CNTN5: variants seen among roughly 807,000 people sequenced by gnomAD.
CNTN5 encodes contactin 5.
Under a neutral mutation model 129.1 loss-of-function variants are expected in CNTN5, and 77 were observed. That is an observed-to-expected ratio of 0.60 (90% CI 0.50 to 0.72). The LOEUF (loss-of-function observed/expected upper bound fraction) is 0.72. Among genes scored for constraint, CNTN5 ranks in the 30% least tolerant of loss-of-function variants. The probability of loss-of-function intolerance (pLI) is 0.00; values close to 1 mark genes in which losing one functional copy is unlikely to be tolerated. For missense variants in CNTN5, 1,478 were observed against 1,328.8 expected (o/e 1.11, Z -1.75); for synonymous variants, 509 against 465.6 (o/e 1.09, Z -1.20).
chr11:100,139,735 A>G (rs1946634070), intron 13 of CNTN5, among the ~76,000 whole-genome samples: 2 of 152,078 alleles, frequency 1.3e-5, no homozygotes, highest in Non-Finnish European at 1.5e-5. Context: ...GTGATGGCAC[A>G]TACCTGTAAC....
At chr11:99,182,897 G>A (rs976335275) in intron 1 of CNTN5, among the ~76,000 whole-genome samples, 2 of 152,004 alleles carry the variant, frequency 1.3e-5, no homozygotes, top group African/African-American at 4.8e-5. Flanking sequence ...CAATCAAGAA[G>A]ATGCTAAAAG....
chr11:99,190,312 T>G (rs1565389950), intron 1 of CNTN5, among the ~76,000 whole-genome samples: 2 of 151,784 alleles, frequency 1.3e-5, no homozygotes, highest in Admixed American at 6.6e-5. Flanking sequence ...TAGTATATTT[T>G]GACATCAGGA....
chr11:99,168,578 T>TCAAAACAAAATAAAA (rs1555067243), intron 1 of CNTN5, among the ~76,000 whole-genome samples: 1 of 145,868 alleles, frequency 6.9e-6, no homozygotes, highest in East Asian at 2.0e-4. Context: ...AGACTCCATC[T>TCAAAACAAAATAAAA]CAAAACAAAA....
chr11:99,619,422 C>G (rs1039946751), intron 3 of CNTN5, among the ~76,000 whole-genome samples: 2 of 151,944 alleles, frequency 1.3e-5, no homozygotes, highest in Non-Finnish European at 2.9e-5. Flanking sequence ...TACATGTAAC[C>G]TAAAATTGAC....
In CNTN5 at chr11:100,111,042, T is replaced by C. The variant is rs529861187; in HGVS notation, c.1580+36748T>C. ...ATGTAAAGACAAAGAAAACTTGTAA[T>C]CCCAAATTTTTCTGTACCAGAACAT... On this transcript the variant is annotated intron_variant, in intron 13 of 24. Coordinates refer to ENST00000524871, the MANE Select transcript of CNTN5 (RefSeq NM_014361.4). Among the ~76,000 whole-genome samples, 12 of 151,700 alleles carry C rather than the reference T, an allele frequency of 7.9e-5. No homozygotes were observed. In the East Asian group the frequency reaches 2.3e-3, roughly 29 times the overall value.
chr11:99,038,508 A>G (rs998075321), intron 1 of CNTN5, among the ~76,000 whole-genome samples: 2 of 152,090 alleles, frequency 1.3e-5, no homozygotes, highest in Admixed American at 6.6e-5. Context: ...GTGTATAACA[A>G]TGCTAGAACT....
At chr11:100,127,484 A>G (rs1347400258) in intron 13 of CNTN5, among the ~76,000 whole-genome samples, 1 of 152,004 alleles carries the variant, frequency 6.6e-6, no homozygotes, top group African/African-American at 2.4e-5. Context: ...TATAGCAGGA[A>G]TAATTTGTAT....
At chr11:100,099,455 T>A (rs1349346494) in intron 13 of CNTN5, among the ~76,000 whole-genome samples, 1 of 152,120 alleles carries the variant, frequency 6.6e-6, no homozygotes, top group African/African-American at 2.4e-5. Flanking sequence ...TCTATTAGCA[T>A]GCATGCTGAC....
intron 13 of CNTN5, among the ~76,000 whole-genome samples, chr11:100,152,498 G>T (rs1170102294): frequency 6.6e-6 from 1 of 152,208 alleles, no homozygotes; most frequent in Non-Finnish European, 1.5e-5. Flanking sequence ...ATGTCAATAT[G>T]TGCCTGAAGA....
intron 14 of CNTN5, among the ~76,000 whole-genome samples, chr11:100,193,158 G>A (rs1948540758): frequency 6.6e-6 from 1 of 151,850 alleles, no homozygotes; most frequent in Admixed American, 6.6e-5. Flanking sequence ...CCTTGAAAGT[G>A]GTCAGAGAGG....
intron 3 of CNTN5, among the ~76,000 whole-genome samples, chr11:99,591,984 C>T (rs1490835017): frequency 6.6e-6 from 1 of 152,084 alleles, no homozygotes; most frequent in East Asian, 1.9e-4. Flanking sequence ...AAAACAAGGG[C>T]AATTCCTAAG....
At chr11:99,582,689 A>T (rs1217464007) in intron 3 of CNTN5, among the ~76,000 whole-genome samples, 1 of 151,916 alleles carries the variant, frequency 6.6e-6, no homozygotes, top group Non-Finnish European at 1.5e-5. Context: ...GTCCTTTAAG[A>T]ACTTCTCTGC....
chr11:99,411,362 A>T (rs185969456), intron 2 of CNTN5, among the ~76,000 whole-genome samples: 1 of 152,196 alleles, frequency 6.6e-6, no homozygotes, highest in African/African-American at 2.4e-5. Context: ...CCACAAAAAA[A>T]TATGAAAATT....
At chr11:100,289,444 G>C (rs911916702) in intron 18 of CNTN5, among the ~76,000 whole-genome samples, 8 of 150,906 alleles carry the variant, frequency 5.3e-5, no homozygotes, top group African/African-American at 1.9e-4. Context: ...GGGATGCAAG[G>C]CTGGTTCAAT....
intron 13 of CNTN5, among the ~76,000 whole-genome samples, chr11:100,150,650 C>T (rs891032206): frequency 7.3e-5 from 11 of 151,572 alleles, no homozygotes; most frequent in South Asian, 2.1e-4. Context: ...ATGGAATACT[C>T]GGAAAATCAG....
chr11:99,223,095 A>C (rs1461686), intron 1 of CNTN5, among the ~76,000 whole-genome samples: 74,491 of 151,920 alleles, frequency 0.49, 18,503 homozygotes, highest in Middle Eastern at 0.54. Context: ...ACCATGGTAC[A>C]CTTTGCATGT....
intron 2 of CNTN5, among the ~76,000 whole-genome samples, chr11:99,344,320 TGAAAA>T (rs1431752083): frequency 6.6e-6 from 1 of 152,076 alleles, no homozygotes; most frequent in African/African-American, 2.4e-5. Context: ...CTTAGTTAAC[TGAAAA>T]GAATAGGAAA....
At chr11:100,099,205 C>T (rs1031571554) in intron 13 of CNTN5, among the ~76,000 whole-genome samples, 16 of 152,048 alleles carry the variant, frequency 1.1e-4, no homozygotes, top group African/African-American at 3.9e-4. Flanking sequence ...GCAACTGGCC[C>T]AAGTTCACAC....
chr11:99,502,185 GTC>G (rs748777594), intron 2 of CNTN5, among the ~76,000 whole-genome samples: 2 of 152,222 alleles, frequency 1.3e-5, no homozygotes, highest in South Asian at 2.1e-4. Flanking sequence ...TTTATCAACA[GTC>G]TGTATTGTAG....
Sources: allele counts gnomAD v4.1 joint callset (sites outside exome capture counted in the v4.1 genomes callset), GRCh38; gene constraint gnomAD v4.1.1; transcripts MANE v1.5; gene names NCBI Gene and HGNC (gene_info 2026-07-23, HGNC 2026-07-21).